Variants in KAZN observed in about 807,000 individuals in gnomAD.
The protein encoded by KAZN is kazrin, periplakin interacting protein.
KAZN carries 40 observed loss-of-function variants against 87.4 expected under a neutral mutation model. That is an observed-to-expected ratio of 0.46 (90% CI 0.36 to 0.60). The LOEUF (loss-of-function observed/expected upper bound fraction) is 0.60. Among genes scored for constraint, KAZN ranks in the 20% least tolerant of loss-of-function variants. The pLI, the probability that KAZN is intolerant of heterozygous loss-of-function variation, is 0.00. For missense variants in KAZN, 898 were observed against 1,073.9 expected, an observed-to-expected ratio of 0.84 and a Z score of 2.29; for synonymous variants, 466 against 458.3, an observed-to-expected ratio of 1.02 and a Z score of -0.22.
intron 1 of KAZN, among the ~76,000 whole-genome samples, chr1:14,051,508 A>T (rs2101465735): frequency 6.6e-6 from 1 of 152,340 alleles, no homozygotes; most frequent in East Asian, 1.9e-4. Context: ...ACTGCAAGGT[A>T]TTGAATTATC....
intron 2 of KAZN, among the ~76,000 whole-genome samples, chr1:14,985,334 A>G (rs976334165): frequency 2.9e-5 from 4 of 139,470 alleles, no homozygotes; most frequent in Non-Finnish European, 6.1e-5. Context: ...GTTTGAGACC[A>G]GGTTGGGCAA....
intron 1 of KAZN, among the ~76,000 whole-genome samples, chr1:14,139,949 GTGTGTGTGTGTGTGTGTGTGGTAT>G (rs201429272): frequency 2.7e-5 from 4 of 149,966 alleles, no homozygotes; most frequent in East Asian, 2.0e-4. Context: ...GTGTGTGTGT[GTGTGTGTGTGTGTGTGTGTGGTAT>G]GTATGTGTGT....
At chr1:13,940,396 T>C (rs999107009) in intron 1 of KAZN, among the ~76,000 whole-genome samples, 8 of 152,232 alleles carry the variant, frequency 5.3e-5, no homozygotes, top group African/African-American at 1.2e-4. Context: ...AGTTTATGCA[T>C]TTCTTCTAGG....
chr1:14,840,812 T>C (rs1647876841), intron 1 of KAZN, among the ~76,000 whole-genome samples: 2 of 152,252 alleles, frequency 1.3e-5, no homozygotes, highest in Non-Finnish European at 2.9e-5. Flanking sequence ...AATTTATTCA[T>C]ATCTATTGAA....
rs1284805162 is a variant in KAZN, at chr1:15,114,556, G to A, written c.2249G>A (p.Cys750Tyr). 3 of 1,609,006 alleles carry A rather than the reference G, an allele frequency of 1.9e-6. No homozygotes were observed. Among genetic ancestry groups the A allele is most frequent in the Non-Finnish European group, 2.5e-6 (3 of 1,177,654 alleles). Residue 750 changes from cysteine to tyrosine, a missense_variant, in exon 15 of 15, where the codon TGC becomes TAC. This residue lies in a region of KAZN where 127 missense variants were observed against 121.5 expected (regional missense o/e 1.04). Coordinates refer to ENST00000376030, the MANE Select transcript of KAZN (RefSeq NM_201628.3). ...DDYGSLQNED[C>Y]GDDDPQSRLE... ...TATGGCTCTCTTCAAAACGAAGATT[G>A]CGGAGACGATGACCCCCAGAGCAGG...
chr1:14,560,286 A>G (rs1430283022), intron 2 of KAZN, among the ~76,000 whole-genome samples: 1 of 152,132 alleles, frequency 6.6e-6, no homozygotes, highest in African/African-American at 2.4e-5. Context: ...GGATTCCCAG[A>G]CCCAGAGCCA....
intron 2 of KAZN, among the ~76,000 whole-genome samples, chr1:14,259,818 C>G (rs907370826): frequency 6.6e-5 from 10 of 152,208 alleles, no homozygotes. Context: ...TCCCACTTTA[C>G]TTTGTGACAG....
At chr1:15,073,674 C>T (rs559720989) in intron 8 of KAZN, among the ~76,000 whole-genome samples, 1 of 152,180 alleles carries the variant, frequency 6.6e-6, no homozygotes, top group African/African-American at 2.4e-5. Context: ...CCCGAGTCTC[C>T]GAGAGATGCA....
intron 1 of KAZN, among the ~76,000 whole-genome samples, chr1:14,785,954 C>G (rs1171197706): frequency 6.6e-6 from 1 of 152,142 alleles, no homozygotes; most frequent in Non-Finnish European, 1.5e-5. Flanking sequence ...ACAAGTTAAT[C>G]AACATCTCTG....
chr1:14,707,492 T>C lies in KAZN; in HGVS notation c.226+108269T>C, dbSNP rs575974407. On this transcript the variant is annotated intron_variant, in intron 1 of 14. Coordinates refer to ENST00000376030, the MANE Select transcript of KAZN (RefSeq NM_201628.3). ...CAACTTTCTTGTCTTAAAAGGTCTC[T>C]TTCTGGAATTCTCCAGAGTCATTTG... 3.3e-5 allele frequency among the ~76,000 whole-genome samples: 5 copies of C among 152,344 alleles called. No homozygotes were observed. In the South Asian group the frequency reaches 1.0e-3, roughly 32 times the overall value.
At chr1:14,143,802 C>T (rs1027682065) in intron 1 of KAZN, among the ~76,000 whole-genome samples, 7 of 151,644 alleles carry the variant, frequency 4.6e-5, no homozygotes, top group South Asian at 4.2e-4. Flanking sequence ...ACCACAGCCT[C>T]GACCTCCTAG....
At chr1:14,414,802 A>C (rs988210581) in intron 2 of KAZN, among the ~76,000 whole-genome samples, 1 of 152,160 alleles carries the variant, frequency 6.6e-6, no homozygotes, top group Non-Finnish European at 1.5e-5. Flanking sequence ...AGGATGATGG[A>C]TCACCTGAGG....
intron 1 of KAZN, among the ~76,000 whole-genome samples, chr1:14,149,417 A>C (rs1313193788): frequency 1.3e-5 from 2 of 151,678 alleles, no homozygotes; most frequent in East Asian, 3.9e-4. Context: ...ACAACCTTTC[A>C]ATTAATCTCC....
At chr1:14,223,825 A>G (rs868222436) in intron 2 of KAZN, among the ~76,000 whole-genome samples, 1 of 152,298 alleles carries the variant, frequency 6.6e-6, no homozygotes, top group Middle Eastern at 3.4e-3. Context: ...CCTGGGTCCA[A>G]TCTGCTATGG....
At chr1:14,784,179 C>G (rs2100658379) in intron 1 of KAZN, among the ~76,000 whole-genome samples, 1 of 152,292 alleles carries the variant, frequency 6.6e-6, no homozygotes, top group African/African-American at 2.4e-5. Flanking sequence ...AAGGAAGCCT[C>G]AGCTCTGCTC....
At chr1:13,994,128 C>A (rs1639405927) in intron 1 of KAZN, among the ~76,000 whole-genome samples, 1 of 152,176 alleles carries the variant, frequency 6.6e-6, no homozygotes, top group Non-Finnish European at 1.5e-5. Context: ...GGGCAGTTAA[C>A]TTTAATTTGG....
At chr1:14,091,279 C>T (rs1279921766) in intron 1 of KAZN, among the ~76,000 whole-genome samples, 1 of 152,184 alleles carries the variant, frequency 6.6e-6, no homozygotes, top group African/African-American at 2.4e-5. Flanking sequence ...GTGGTTCCCT[C>T]TCACTGCATC....
At chr1:13,932,398 C>A (rs1031396170) in intron 1 of KAZN, among the ~76,000 whole-genome samples, 2 of 150,090 alleles carry the variant, frequency 1.3e-5, no homozygotes, top group African/African-American at 2.5e-5. Flanking sequence ...GTAGCTGGGA[C>A]TACAGGCGCC....
Position 15,027,335 on chromosome 1 carries a change from C to G in KAZN, c.419-7414C>G, listed in dbSNP as rs990029612. 7.9e-5 allele frequency among the ~76,000 whole-genome samples: 12 copies of G among 151,816 alleles called. No individual in the cohort carries two copies. The East Asian group carries it at 2.4e-3, about 30-fold the overall frequency. On this transcript the variant is annotated intron_variant, in intron 2 of 14. Coordinates refer to ENST00000376030, the MANE Select transcript of KAZN (RefSeq NM_201628.3). Reference sequence around the variant, plus strand: ...TACCTCGTTATCTGCCCGCCTCGGCCTCCCAAAATGCTGGGATGACAGGCG... The same window carrying G: ...TACCTCGTTATCTGCCCGCCTCGGCGTCCCAAAATGCTGGGATGACAGGCG...
Sources: allele counts gnomAD v4.1 joint callset (sites outside exome capture counted in the v4.1 genomes callset), GRCh38; gene constraint gnomAD v4.1.1; regional missense constraint gnomAD v4.1.1; transcripts MANE v1.5; gene names NCBI Gene and HGNC (gene_info 2026-07-23, HGNC 2026-07-21).